The following RNF40 variants were observed in gnomAD, a reference collection of about 807,000 sequenced individuals.
The protein encoded by RNF40 is E3 ubiquitin-protein ligase BRE1B.
In RNF40, 39 loss-of-function variants were observed where a neutral mutation model predicts 123.3. The observed-to-expected ratio is 0.32, with a 90% CI of 0.24 to 0.41. The LOEUF (loss-of-function observed/expected upper bound fraction) is 0.41, where lower values mean the gene tolerates loss of function less well. RNF40 is among the 10% of genes least tolerant of loss of function. The probability of loss-of-function intolerance (pLI) is 1.00; values close to 1 mark genes in which losing one functional copy is unlikely to be tolerated. For synonymous variants in RNF40, 538 were observed against 526.0 expected (o/e 1.02, Z -0.31); for missense variants, 1,003 against 1,319.9 (o/e 0.76, Z 3.72).
chr16:30,763,166 G>C lies in RNF40; in HGVS notation c.181G>C (p.Glu61Gln), dbSNP rs1186045281. The C allele has an allele frequency of 1.9e-6, 3 of 1,613,898 alleles. No homozygotes were observed. Among genetic ancestry groups the C allele is most frequent in the Non-Finnish European group, 2.5e-6 (3 of 1,180,044 alleles). The change falls in exon 3 of 20, where the codon GAG becomes CAG. Residue 61 changes from glutamate (E) to glutamine (Q), a missense_variant. Glu to Gln is a conservative substitution (Grantham distance 29). Coordinates refer to ENST00000324685, the MANE Select transcript of RNF40 (RefSeq NM_014771.4). ...VLQFKNKKLA[E>Q]RLEQRQACED... ...ACAGTTCAAGAACAAGAAACTGGCA[G>C]AGCGGCTGGAACAACGGCAGGCTTG... is the stretch of plus-strand genomic sequence containing the variant.
chr16:30,761,688 G>T, upstream of RNF40: 4 of 1,535,814 alleles, frequency 2.6e-6, no homozygotes, highest in Non-Finnish European at 2.6e-6. Context: ...AGCTCGGAGA[G>T]ATGTTCAAGC....
At chr16:30,769,140 C>T in intron 15 of RNF40, 46 bp from the exon 16 acceptor site, 1 of 1,604,976 alleles carries the variant, frequency 6.2e-7, no homozygotes, top group Non-Finnish European at 8.5e-7. Context: ...CACAGCCATC[C>T]TGTCCACTTC....
intron 2 of RNF40, 61 bp from the exon 3 acceptor site, chr16:30,763,057 C>G (rs1020748064): frequency 1.9e-6 from 3 of 1,587,364 alleles, no homozygotes; most frequent in Non-Finnish European, 2.6e-6. Flanking sequence ...CTTTCTCTCT[C>G]TGTGATTGGT....
Position 30,775,043 on chromosome 16 carries a change from G to A in RNF40, c.*929G>A, listed in dbSNP as rs774882404. 4.4e-6 allele frequency: 2 copies of A among 456,530 alleles called. No individual in the cohort carries two copies. Among genetic ancestry groups the A allele is most frequent in the South Asian group, 1.5e-5 (1 of 64,568 alleles). 28.3% of individuals were successfully genotyped at this position (456,530 alleles called of 1,614,324 possible). ...AGCCTGTGTCCTGTCTGCCTGCCCA[G>A]CCATGCTCCATCGGCTGTGAGGGCA... On this transcript the variant is annotated 3_prime_UTR_variant, in exon 20 of 20. Transcript: ENST00000324685.
At position 30,768,246 on chromosome 16, in the gene RNF40, T is replaced by G. The variant is rs1331228490; in HGVS notation, c.1695T>G (p.Ala565=). 6.2e-7 allele frequency: 1 copy of G among 1,613,716 alleles called. No individual in the cohort carries two copies. Among genetic ancestry groups the G allele is most frequent in the South Asian group, 1.1e-5 (1 of 91,076 alleles). ...VSTPDNRKEM[A]PVPGTTTTTT... ...CCCCCGACAACAGAAAGGAGATGGC[T>G]CCAGTGCCTGGCACCACCACTACTA... Residue 565 remains alanine (A), a synonymous_variant, in exon 13 of 20, where the codon GCT becomes GCG. Coordinates refer to ENST00000324685, the MANE Select transcript of RNF40 (RefSeq NM_014771.4). This position sits in a 1 kb window ranked among gnomAD's most constrained non-coding sequence, Gnocchi z 4.1.
At position 30,763,097 on chromosome 16, in the gene RNF40, C is replaced by T. The variant is rs529686854; in HGVS notation, c.133-21C>T. Reference sequence around the variant, plus strand: ...GGGCCCTGCTTGACGCTCTCGTCGGCCCCTTTGTTTCCTTTGGTAGGAGGA... The same window carrying T: ...GGGCCCTGCTTGACGCTCTCGTCGGTCCCTTTGTTTCCTTTGGTAGGAGGA... On this transcript the variant is annotated intron_variant, in intron 2 of 19. Transcript: ENST00000324685. The T allele has an allele frequency of 1.8e-5, 29 of 1,612,946 alleles. No individual in the cohort carries two copies. The South Asian group carries it at 2.9e-4, about 16-fold the overall frequency.
chr16:30,765,115 A>T (rs2054004170), intron 6 of RNF40, 56 bp downstream of exon 6: 1 of 1,611,552 alleles, frequency 6.2e-7, no homozygotes. Context: ...TTTGGGTTAG[A>T]TGGGCACTCA....
intron 5 of RNF40, 55 bp from the exon 6 acceptor site, chr16:30,764,881 TTA>T: frequency 6.4e-7 from 1 of 1,573,962 alleles, no homozygotes; most frequent in Non-Finnish European, 8.6e-7. Flanking sequence ...CCAGAATGAG[TTA>T]GTTGTTTGCC....
intron 17 of RNF40, 79 bp downstream of exon 17, chr16:30,769,679 A>C (rs1181682591): frequency 7.0e-7 from 1 of 1,429,338 alleles, no homozygotes; most frequent in African/African-American, 1.4e-5. Context: ...AGAGCACCCG[A>C]TGCAATAGCC....
In RNF40 at chr16:30,775,474, TAGG is replaced by T. The variant is rs2054218317; in HGVS notation, c.*1364_*1366del. 1 of 172,490 alleles carries T rather than the reference TAGG, an allele frequency of 5.8e-6. No homozygotes were observed. The highest frequency in any genetic ancestry group is 1.3e-5 in the Non-Finnish European group (1 of 79,960). 10.7% of individuals were successfully genotyped at this position (172,490 alleles called of 1,614,324 possible). A position where few individuals can be genotyped will look rare whatever the true frequency, so the allele number is the denominator to read the frequency against. On this transcript the variant is annotated 3_prime_UTR_variant, in exon 20 of 20. Coordinates refer to ENST00000324685, the MANE Select transcript of RNF40 (RefSeq NM_014771.4). ...GTGTAGTTCCTGGTCCGCACATGGTTAGGAGGTTCTCGGAGAGAGAGCTAGTTT... is the reference window on the plus strand; with the variant it reads ...GTGTAGTTCCTGGTCCGCACATGGTTAGGTTCTCGGAGAGAGAGCTAGTTT...
Position 30,766,074 on chromosome 16 carries a change from G to A in RNF40, c.994-89G>A, listed in dbSNP as rs2054025710. The A allele has an allele frequency of 6.3e-7, 1 of 1,578,252 alleles. No homozygotes were observed. Among genetic ancestry groups the A allele is most frequent in the Admixed American group, 1.7e-5 (1 of 59,318 alleles). On this transcript the variant is annotated intron_variant, in intron 8 of 19. Coordinates refer to ENST00000324685, the MANE Select transcript of RNF40 (RefSeq NM_014771.4). The surrounding 1 kb of genome is among the most constrained non-coding windows in gnomAD (Gnocchi z 5.4). ...AATCGATCATTGCCCTGCACGGGGT[G>A]CTTGGGGTGGAGTGTATGCTGGGGA...
chr16:30,771,835 T>C lies in RNF40; in HGVS notation c.2589T>C (p.Ala863=). The C allele has an allele frequency of 1.3e-6, 2 of 1,576,456 alleles. No individual in the cohort carries two copies. Among genetic ancestry groups the C allele is most frequent in the East Asian group, 4.5e-5 (2 of 44,606 alleles). ...SQALELNKRK[A]VEAAQLAEDL... ...CCTTCCTGTTCCACCCTACTCAGGC[T>C]GTAGAAGCCGCCCAGCTGGCCGAGG... Residue 863 remains alanine, a splice_region_variant and synonymous_variant, in exon 18 of 20, where the codon GCT becomes GCC. Transcript: ENST00000324685.
In RNF40 at chr16:30,768,649, A is replaced by G. The variant is rs1264304444; in HGVS notation, c.2010A>G (p.Lys670=). The G allele has an allele frequency of 6.2e-7, 1 of 1,614,162 alleles. No individual in the cohort carries two copies. Among genetic ancestry groups the G allele is most frequent in the Admixed American group, 1.7e-5 (1 of 60,032 alleles). Residue 670 remains lysine (K), a synonymous_variant, in exon 14 of 20, where the codon AAA becomes AAG. Coordinates refer to ENST00000324685, the MANE Select transcript of RNF40 (RefSeq NM_014771.4). The surrounding 1 kb of genome is among the most constrained non-coding windows in gnomAD (Gnocchi z 4.1). ...KKAQESQKEM[K]LLLDMYKSAP... ...CCCAGGAGAGCCAGAAGGAGATGAA[A>G]CTGCTGCTGGATATGTACAAGTCAG...
chr16:30,761,613 C>T (rs1044390500), upstream of RNF40: 2 of 1,536,054 alleles, frequency 1.3e-6, no homozygotes, highest in African/African-American at 2.7e-5. Context: ...TGAGTCCGCA[C>T]ACTCGCACGC....
Position 30,775,035 on chromosome 16 carries a change from C to A in RNF40, c.*921C>A, listed in dbSNP as rs544227083. On this transcript the variant is annotated 3_prime_UTR_variant, in exon 20 of 20. Coordinates refer to ENST00000324685, the MANE Select transcript of RNF40 (RefSeq NM_014771.4). The stretch of plus-strand genomic sequence containing the variant: ...TGTGACTGAGCCTGTGTCCTGTCTG[C>A]CTGCCCAGCCATGCTCCATCGGCTG... The A allele has an allele frequency of 1.9e-4, 86 of 456,394 alleles. No homozygotes were observed. Among genetic ancestry groups the A allele is most frequent in the South Asian group, 1.3e-3 (82 of 64,560 alleles). The allele number at this position is 456,394 out of a possible 1,614,324, so 28.3% of individuals were successfully genotyped here. A position where few individuals can be genotyped will look rare whatever the true frequency, so the allele number is the denominator to read the frequency against.
chr16:30,763,618 A>AG, intron 4 of RNF40, 59 bp downstream of exon 4: 1 of 1,582,278 alleles, frequency 6.3e-7, no homozygotes, highest in Admixed American at 1.8e-5. Flanking sequence ...CCTGGGGAGG[A>AG]GGGGACTTTG....
In RNF40 at chr16:30,762,498, C is replaced by A; in HGVS notation, c.-48C>A. On this transcript the variant is annotated 5_prime_UTR_variant, in exon 2 of 20. Coordinates refer to ENST00000324685, the MANE Select transcript of RNF40 (RefSeq NM_014771.4). ...AGGTGACGGAAGTACCGCCTCCTCC[C>A]GTTTGACGCCCCTCAGGGGACCCTG... The A allele has an allele frequency of 1.3e-6, 2 of 1,537,344 alleles. No individual in the cohort carries two copies. The highest frequency in any genetic ancestry group is 1.2e-5 in the South Asian group (1 of 82,932).
At position 30,769,581 on chromosome 16, in the gene RNF40, T is replaced by C; in HGVS notation, c.2567T>C (p.Leu856Pro). The change falls in exon 17 of 20, where the codon CTG (leucine) becomes CCG (proline). Residue 856 changes from leucine to proline, a missense_variant. Leu to Pro is a moderately conservative substitution (Grantham distance 98, BLOSUM62 -3). This residue lies in a region of RNF40 where 121 missense variants were observed against 125.3 expected (regional missense o/e 0.97). Coordinates refer to ENST00000324685, the MANE Select transcript of RNF40 (RefSeq NM_014771.4). ...EKELTLRSQA[L>P]ELNKRKAVEA... ...GAGCTGACGCTGCGCAGCCAAGCCC[T>C]GGAGCTCAACAAGCGGAAGGTGAGG... is the stretch of plus-strand genomic sequence containing the variant. 3.1e-6 allele frequency: 5 copies of C among 1,595,826 alleles called. No individual in the cohort carries two copies. Among genetic ancestry groups the C allele is most frequent in the Non-Finnish European group, 4.3e-6 (5 of 1,170,980 alleles).
intron 19 of RNF40, among the ~76,000 whole-genome samples, chr16:30,773,209 T>A (rs2054178173): frequency 6.6e-6 from 1 of 152,148 alleles, no homozygotes; most frequent in South Asian, 2.1e-4. Flanking sequence ...TATGACTTGG[T>A]CATCCCTTGG....
Sources: allele counts gnomAD v4.1 joint callset (sites outside exome capture counted in the v4.1 genomes callset), GRCh38; gene constraint gnomAD v4.1.1; regional missense constraint gnomAD v4.1.1; non-coding constraint Gnocchi (gnomAD v3.1); transcripts MANE v1.5; gene names NCBI Gene and HGNC (gene_info 2026-07-23, HGNC 2026-07-21).